The following ACACA variants were observed in gnomAD, a reference collection of about 807,000 sequenced individuals.
ACACA encodes the protein acetyl-CoA carboxylase 1.
A neutral mutation model predicts 296.1 loss-of-function variants in ACACA; 103 were observed. The ratio of observed to expected loss-of-function variants is 0.35; its 90% CI spans 0.30 to 0.41. The LOEUF is 0.41. Ranked by LOEUF, ACACA falls within the 10% of genes least tolerant of loss-of-function variation. ACACA has a pLI of 1.00. For synonymous variants in ACACA, 953 were observed against 1,038.6 expected, an observed-to-expected ratio of 0.92 and a Z score of 1.58; for missense variants, 1,554 against 2,989.7, an observed-to-expected ratio of 0.52 and a Z score of 11.20.
chr17:37,398,985 C>CT (rs35767845), intron 1 of ACACA, among the ~76,000 whole-genome samples: 34,203 of 143,174 alleles, frequency 0.24, 3,956 homozygotes, highest in Middle Eastern at 0.35. Context: ...TCCCTAAATT[C>CT]TTTTTTTTTT....
At position 37,296,723 on chromosome 17, in the gene ACACA, TTG is replaced by T. The variant is rs1239741966; in HGVS notation, c.339-11755_339-11754del. 3.8e-4 allele frequency among the ~76,000 whole-genome samples: 57 copies of T among 152,000 alleles called. No individual in the cohort carries two copies. In the East Asian group the frequency reaches 0.011, roughly 28 times the overall value. ...GTAATTAGATTTCAACATATACATT[TTG>T]TGTGTGTGTGAGGCAGAGTCTCGCT... On this transcript the variant is annotated intron_variant, in intron 3 of 55. Transcript: ENST00000616317.
chr17:37,151,476 A>C (rs1225407311), intron 43 of ACACA, 55 bp from the exon 44 acceptor site: 1 of 1,605,144 alleles, frequency 6.2e-7, no homozygotes, highest in African/African-American at 1.3e-5. Flanking sequence ...ACAACAAGCC[A>C]TTAAAAGAAT....
rs956586133 is a variant in ACACA at position 37,209,302 on chromosome 17, AG to A, written c.3707+1164del. 3.5e-4 allele frequency among the ~76,000 whole-genome samples: 53 copies of A among 152,354 alleles called. 1 individual carries two copies. The highest frequency in any genetic ancestry group is 3.4e-3 in the Admixed American group (52 of 15,298). Reference sequence around the variant, plus strand: ...GATCACCAAATATATTTACTAAAAAAGCAAGTTTGTGAGGCATTGTATCTTT... The same window carrying A: ...GATCACCAAATATATTTACTAAAAAACAAGTTTGTGAGGCATTGTATCTTT... On this transcript the variant is annotated intron_variant, in intron 30 of 55. Transcript: ENST00000616317.
chr17:37,263,540 A>C, intron 11 of ACACA, 145 bp downstream of exon 11: 1 of 742,546 alleles, frequency 1.3e-6, no homozygotes, highest in Admixed American at 2.4e-5. Flanking sequence ...GAACAGTAGA[A>C]TTTTTTTTCT....
intron 29 of ACACA, among the ~76,000 whole-genome samples, chr17:37,211,280 T>C (rs1301405731): frequency 1.3e-5 from 2 of 152,220 alleles, no homozygotes; most frequent in Non-Finnish European, 2.9e-5. Context: ...AATAAAACCT[T>C]ATCTAAATTT....
intron 3 of ACACA, among the ~76,000 whole-genome samples, chr17:37,292,151 T>C (rs556816531): frequency 6.6e-6 from 1 of 152,280 alleles, no homozygotes; most frequent in South Asian, 2.1e-4. Flanking sequence ...TACGAGCATT[T>C]GTAGAGCTCT....
At chr17:37,217,179 T>C (rs2079039062) in intron 29 of ACACA, among the ~76,000 whole-genome samples, 1 of 147,338 alleles carries the variant, frequency 6.8e-6, no homozygotes, top group Admixed American at 7.0e-5. Flanking sequence ...GAGAATCGCT[T>C]GAACCTGGAA....
chr17:37,340,054 ATTGT>A (rs1192106124), intron 1 of ACACA, among the ~76,000 whole-genome samples: 1 of 152,234 alleles, frequency 6.6e-6, no homozygotes, highest in African/African-American at 2.4e-5. Context: ...CATAAAGACT[ATTGT>A]TTAAGAAAAT....
chr17:37,173,997 TATATATATATATATATA>T lies in ACACA; in HGVS notation c.5079+5246_5079+5262del, dbSNP rs1317110390. Among the ~76,000 whole-genome samples the T allele has an allele frequency of 2.5e-3, 29 of 11,604 alleles. 3 individuals are homozygous for T. Among genetic ancestry groups the T allele is most frequent in the African/African-American group, 4.9e-3 (19 of 3,906 alleles). 7.6% of individuals were successfully genotyped at this position (11,604 alleles called of 152,430 possible). ...CCTGGCTAATTTATATATATATATA[TATATATATATATATATA>T]TATATATTTTTTTTTTTTTTTTTTT... On this transcript the variant is annotated intron_variant, in intron 41 of 55. Coordinates refer to ENST00000616317, the MANE Select transcript of ACACA (RefSeq NM_198834.3).
chr17:37,217,960 T>C (rs1329440600), intron 29 of ACACA, among the ~76,000 whole-genome samples: 1 of 151,674 alleles, frequency 6.6e-6, no homozygotes, highest in East Asian at 1.9e-4. Flanking sequence ...TAAAATTCTG[T>C]TTTATATTGA....
At chr17:37,260,449 A>G (rs935916065) in intron 11 of ACACA, among the ~76,000 whole-genome samples, 1 of 150,804 alleles carries the variant, frequency 6.6e-6, no homozygotes, top group Non-Finnish European at 1.5e-5. Flanking sequence ...GATCACAGGC[A>G]CATGCCACCA....
intron 39 of ACACA, among the ~76,000 whole-genome samples, chr17:37,184,881 T>C (rs2077466129): frequency 6.8e-6 from 1 of 147,424 alleles, no homozygotes; most frequent in Non-Finnish European, 1.5e-5. Context: ...TGAAACGGAA[T>C]ACTATCCAAA....
chr17:37,126,463 C>T (rs2074791464), intron 47 of ACACA, among the ~76,000 whole-genome samples: 1 of 152,146 alleles, frequency 6.6e-6, no homozygotes, highest in Non-Finnish European at 1.5e-5. Context: ...CATAGAATTT[C>T]CTTCACTGGC....
chr17:37,330,233 G>C lies in ACACA; in HGVS notation c.278C>G (p.Ser93Ter). 6.2e-7 allele frequency: 1 copy of C among 1,614,174 alleles called. No homozygotes were observed. The highest frequency in any genetic ancestry group is 1.7e-5 in the Admixed American group (1 of 60,018). Residue 93 changes from serine (S) to a stop codon, truncating the protein, a stop_gained, in exon 3 of 56, where the codon TCA becomes TGA. Coordinates refer to ENST00000616317, the MANE Select transcript of ACACA (RefSeq NM_198834.3). LOFTEE classifies it high-confidence loss of function. ...GATCCCCAAATCAGAGAGTGTATCTGAGCCAACAGAAGCAGGTGACAAGGA... is the reference window on the plus strand; with the variant it reads ...GATCCCCAAATCAGAGAGTGTATCTCAGCCAACAGAAGCAGGTGACAAGGA... ...EGSLSPASVG[S>*]DTLSDLGISS...
intron 52 of ACACA, among the ~76,000 whole-genome samples, chr17:37,110,317 CTTTAA>C (rs2073912644): frequency 6.6e-6 from 1 of 152,182 alleles, no homozygotes; most frequent in African/African-American, 2.4e-5. Flanking sequence ...GCTGCAGTTA[CTTTAA>C]TTAAAGTGTA....
chr17:37,366,356 T>G (rs565499385), intron 1 of ACACA, among the ~76,000 whole-genome samples: 1 of 152,318 alleles, frequency 6.6e-6, no homozygotes, highest in South Asian at 2.1e-4. Context: ...TTGTAGAGCC[T>G]TTATCGTCAA....
rs569930349 is a variant in ACACA, at chr17:37,362,919, A to G, written c.39-23069T>C. On this transcript the variant is annotated intron_variant, in intron 1 of 55. Transcript: ENST00000616317. ...GAACCCGGGAGGCGGAGCTTGCAGT[A>G]AGCTGAGATCGCGCCACTGCACTCC... Among the ~76,000 whole-genome samples the G allele has an allele frequency of 2.2e-4, 33 of 150,848 alleles. No homozygotes were observed. The East Asian group carries it at 5.2e-3, about 24-fold the overall frequency.
intron 26 of ACACA, 67 bp downstream of exon 26, chr17:37,226,272 T>C (rs2079541167): frequency 2.5e-6 from 3 of 1,197,302 alleles, no homozygotes; most frequent in Admixed American, 1.7e-5. Flanking sequence ...CAAAAGTTCA[T>C]TGTGTCTAGG....
chr17:37,245,958 C>G (rs1159891572), intron 19 of ACACA, among the ~76,000 whole-genome samples: 2 of 152,140 alleles, frequency 1.3e-5, no homozygotes, highest in African/African-American at 4.8e-5. Flanking sequence ...TATTCTCAAG[C>G]CACACCAACA....
Sources: allele counts gnomAD v4.1 joint callset (sites outside exome capture counted in the v4.1 genomes callset), GRCh38; gene constraint gnomAD v4.1.1; transcripts MANE v1.5; gene names NCBI Gene and HGNC (gene_info 2026-07-23, HGNC 2026-07-21).